Variants in TMPRSS11D observed in about 807,000 individuals in gnomAD.
TMPRSS11D encodes the protein transmembrane protease serine 11D.
A neutral mutation model predicts 44.4 loss-of-function variants in TMPRSS11D; 32 were observed. The ratio of observed to expected loss-of-function variants is 0.72; its 90% CI spans 0.54 to 0.97. TMPRSS11D has a LOEUF of 0.97. TMPRSS11D is among the 50% of genes least tolerant of loss of function. The pLI, the probability that TMPRSS11D is intolerant of heterozygous loss-of-function variation, is 0.00. For synonymous variants in TMPRSS11D, 179 were observed against 177.9 expected, an observed-to-expected ratio of 1.01 and a Z score of -0.05; for missense variants, 446 against 502.6, an observed-to-expected ratio of 0.89 and a Z score of 1.08.
chr4:67,826,760 G>T (rs370903650), intron 8 of TMPRSS11D, among the ~76,000 whole-genome samples: 3 of 125,866 alleles, frequency 2.4e-5, no homozygotes, highest in South Asian at 2.5e-4. Context: ...CCTGTCTGTA[G>T]AAAAAAAAAA....
At chr4:67,835,249 T>C in intron 5 of TMPRSS11D, 128 bp from the exon 6 acceptor site, 1 of 753,794 alleles carries the variant, frequency 1.3e-6, no homozygotes, top group Non-Finnish European at 2.2e-6. Flanking sequence ...GGTGGTCCTC[T>C]AAAATGCAGA....
chr4:67,825,015 T>C (rs1717757052), intron 9 of TMPRSS11D, among the ~76,000 whole-genome samples: 1 of 152,096 alleles, frequency 6.6e-6, no homozygotes, highest in East Asian at 1.9e-4. Context: ...AGTGAGAATT[T>C]CATATTTGTT....
intron 1 of TMPRSS11D, among the ~76,000 whole-genome samples, chr4:67,868,273 A>G (rs753086624): frequency 2.6e-5 from 4 of 152,144 alleles, no homozygotes; most frequent in Non-Finnish European, 4.4e-5. Context: ...ATGGACAGAG[A>G]GAGTAGAATA....
chr4:67,869,807 G>C (rs1036399786), intron 1 of TMPRSS11D, among the ~76,000 whole-genome samples: 2 of 152,186 alleles, frequency 1.3e-5, no homozygotes, highest in African/African-American at 4.8e-5. Context: ...TCAATCAGTA[G>C]CTGGTTATTT....
intron 6 of TMPRSS11D, chr4:67,833,652 A>T (rs1718002570): frequency 3.7e-6 from 1 of 268,156 alleles, no homozygotes; most frequent in Non-Finnish European, 6.9e-6. Flanking sequence ...GGAATTCCTC[A>T]TGAGTTGAGG....
chr4:67,872,711 T>C (rs1297951211), intron 1 of TMPRSS11D, among the ~76,000 whole-genome samples: 1 of 152,130 alleles, frequency 6.6e-6, no homozygotes, highest in African/African-American at 2.4e-5. Flanking sequence ...ACAATGAGGG[T>C]GGACTTAAAC....
At chr4:67,837,396 T>C (rs1560539427) in intron 5 of TMPRSS11D, among the ~76,000 whole-genome samples, 1 of 152,132 alleles carries the variant, frequency 6.6e-6, no homozygotes, top group Non-Finnish European at 1.5e-5. Flanking sequence ...AAGACAACTT[T>C]GTGGGCCTGA....
At position 67,821,946 on chromosome 4, in the gene TMPRSS11D, CTT is replaced by C. The variant is rs1717652665; in HGVS notation, c.*389_*390del. On this transcript the variant is annotated 3_prime_UTR_variant, in exon 10 of 10. Coordinates refer to ENST00000283916, the MANE Select transcript of TMPRSS11D (RefSeq NM_004262.3). ...TTCCTTTGCATGTTTCCACAGTTTG[CTT>C]ACTTCTCATCCTCAGTGAAACCCAG... is the stretch of plus-strand genomic sequence containing the variant. The C allele has an allele frequency of 6.3e-6, 1 of 157,560 alleles. No individual in the cohort carries two copies. The highest frequency in any genetic ancestry group is 2.0e-4 in the South Asian group (1 of 4,998). 9.8% of individuals were successfully genotyped at this position (157,560 alleles called of 1,614,324 possible). A position where few individuals can be genotyped will look rare whatever the true frequency, so the allele number is the denominator to read the frequency against.
intron 3 of TMPRSS11D, among the ~76,000 whole-genome samples, chr4:67,846,690 A>G (rs1181342527): frequency 6.6e-6 from 1 of 152,200 alleles, no homozygotes; most frequent in African/African-American, 2.4e-5. Flanking sequence ...TGTGTTTTAT[A>G]TATTTTTAAA....
At chr4:67,827,550 G>T (rs1024899428) in intron 7 of TMPRSS11D, 30 bp from the exon 8 acceptor site, 13 of 1,549,234 alleles carry the variant, frequency 8.4e-6, no homozygotes, top group Admixed American at 7.7e-5. Context: ...TGCTATATGA[G>T]TAGGGAATTT....
chr4:67,855,121 G>T (rs547770470), intron 2 of TMPRSS11D, among the ~76,000 whole-genome samples: 3 of 152,170 alleles, frequency 2.0e-5, no homozygotes, highest in African/African-American at 7.2e-5. Context: ...CAGGTGTGGT[G>T]GCAGGCGCCT....
At chr4:67,878,566 T>C (rs1189431091) in intron 1 of TMPRSS11D, among the ~76,000 whole-genome samples, 1 of 152,174 alleles carries the variant, frequency 6.6e-6, no homozygotes, top group Non-Finnish European at 1.5e-5. Context: ...GCTGTATATC[T>C]AGCACCTAAC....
intron 1 of TMPRSS11D, among the ~76,000 whole-genome samples, chr4:67,869,609 C>G (rs1383297536): frequency 1.3e-5 from 2 of 152,142 alleles, no homozygotes; most frequent in African/African-American, 4.8e-5. Flanking sequence ...TGAAACTTTA[C>G]TGTGGCTTAC....
chr4:67,848,918 C>A (rs1376300486), intron 3 of TMPRSS11D, among the ~76,000 whole-genome samples: 1 of 152,064 alleles, frequency 6.6e-6, no homozygotes, highest in African/African-American at 2.4e-5. Flanking sequence ...GTGGGATTTG[C>A]AATTTGAGAA....
At chr4:67,859,456 T>C (rs1029455809) in intron 2 of TMPRSS11D, 101 bp downstream of exon 2, 14 of 1,327,182 alleles carry the variant, frequency 1.1e-5, no homozygotes, top group Non-Finnish European at 1.1e-5. Flanking sequence ...TCACATTATA[T>C]TAAGAAATAA....
At chr4:67,838,979 A>T (rs1718168848) in intron 4 of TMPRSS11D, 1 of 152,080 alleles carries the variant, frequency 6.6e-6, no homozygotes. Flanking sequence ...GATTATCTAA[A>T]ACCTCAGTAA....
chr4:67,830,895 C>T (rs1353653674), intron 7 of TMPRSS11D, among the ~76,000 whole-genome samples: 2 of 151,990 alleles, frequency 1.3e-5, no homozygotes, highest in Non-Finnish European at 2.9e-5. Flanking sequence ...TTGGTGATAC[C>T]TTCTCACACA....
chr4:67,853,562 A>C (rs1718559121), intron 3 of TMPRSS11D, among the ~76,000 whole-genome samples: 1 of 152,178 alleles, frequency 6.6e-6, no homozygotes, highest in Non-Finnish European at 1.5e-5. Context: ...GTTTCCTGGC[A>C]GGCACCCAGA....
At chr4:67,846,788 C>CG (rs1560542033) in intron 3 of TMPRSS11D, among the ~76,000 whole-genome samples, 13 of 68,382 alleles carry the variant, frequency 1.9e-4, no homozygotes, top group African/African-American at 3.6e-4. Context: ...TTACAGATAA[C>CG]ATACTTTATA....
Sources: gnomAD v4.1 joint callset for allele counts (sites outside exome capture counted in the v4.1 genomes callset) on GRCh38, gnomAD v4.1.1 for gene constraint, MANE v1.5 for transcripts, NCBI Gene and HGNC (gene_info 2026-07-23, HGNC 2026-07-21) for gene names.